The following FGF12 variants were observed in gnomAD, a reference collection of about 807,000 sequenced individuals.
The protein encoded by FGF12 is fibroblast growth factor 12B.
FGF12 carries 14 observed loss-of-function variants against 23.6 expected under a neutral mutation model. The ratio of observed to expected loss-of-function variants is 0.59; its 90% CI spans 0.39 to 0.93. The LOEUF is 0.93. FGF12 is among the 40% of genes least tolerant of loss of function. The pLI, the probability that FGF12 is intolerant of heterozygous loss-of-function variation, is 0.00. For synonymous variants in FGF12, 62 were observed against 77.3 expected, an observed-to-expected ratio of 0.80 and a Z score of 1.04; for missense variants, 175 against 217.8, an observed-to-expected ratio of 0.80 and a Z score of 1.24.
chr3:192,208,980 C>A (rs1021061552), intron 4 of FGF12, among the ~76,000 whole-genome samples: 6 of 152,166 alleles, frequency 3.9e-5, no homozygotes, highest in African/African-American at 1.4e-4. Context: ...AACTGTCTTT[C>A]AGTATTCATT....
chr3:192,146,397 A>G (rs1362559150), intron 5 of FGF12, among the ~76,000 whole-genome samples: 2 of 151,534 alleles, frequency 1.3e-5, no homozygotes, highest in South Asian at 2.1e-4. Flanking sequence ...CAGCCTCCCA[A>G]GTAGCTGGGA....
At chr3:192,166,075 A>C (rs1715145881) in intron 5 of FGF12, among the ~76,000 whole-genome samples, 1 of 152,230 alleles carries the variant, frequency 6.6e-6, no homozygotes, top group Admixed American at 6.5e-5. Flanking sequence ...AAATAATTTG[A>C]GTATCCCAGC....
At chr3:192,530,929 C>T (rs983689462) in intron 2 of FGF12, among the ~76,000 whole-genome samples, 17 of 152,178 alleles carry the variant, frequency 1.1e-4, no homozygotes, top group African/African-American at 4.1e-4. Context: ...ATTCTCCTGC[C>T]TCAGCCTCCC....
At chr3:192,611,330 A>C (rs1371972984) in intron 2 of FGF12, among the ~76,000 whole-genome samples, 1 of 152,202 alleles carries the variant, frequency 6.6e-6, no homozygotes, top group East Asian at 1.9e-4. Context: ...GCCTACATAC[A>C]CAGTGGTCAG....
intron 2 of FGF12, among the ~76,000 whole-genome samples, chr3:192,697,380 G>T (rs1364157638): frequency 6.6e-6 from 1 of 152,098 alleles, no homozygotes; most frequent in Non-Finnish European, 1.5e-5. Flanking sequence ...AGCAATCTGA[G>T]GCTCTTGCAT....
intron 4 of FGF12, among the ~76,000 whole-genome samples, chr3:192,206,574 T>G (rs1485766051): frequency 6.6e-6 from 1 of 152,208 alleles, no homozygotes; most frequent in Non-Finnish European, 1.5e-5. Context: ...TAGTCCAGTT[T>G]AACAGCACTC....
chr3:192,234,185 T>C lies in FGF12; in HGVS notation c.229-63529A>G, dbSNP rs187532946. ...TAGCAGTATTGATTCTTCCTGTCCA[T>C]GGGCATTGAATGTTTTTCTTTTTGT... On this transcript the variant is annotated intron_variant, in intron 4 of 5. Transcript: ENST00000445105. Among the ~76,000 whole-genome samples the C allele has an allele frequency of 2.9e-3, 443 of 152,322 alleles. 1 individual carries two copies. Among genetic ancestry groups the C allele is most frequent in the Middle Eastern group, 0.01 (3 of 294 alleles).
intron 4 of FGF12, among the ~76,000 whole-genome samples, chr3:192,239,211 A>G (rs1364960876): frequency 6.6e-6 from 1 of 152,214 alleles, no homozygotes; most frequent in Non-Finnish European, 1.5e-5. Flanking sequence ...TGGTTTGCAT[A>G]CAAATGGTAG....
intron 2 of FGF12, among the ~76,000 whole-genome samples, chr3:192,569,125 A>C (rs1712476497): frequency 6.6e-6 from 1 of 152,238 alleles, no homozygotes; most frequent in African/African-American, 2.4e-5. Flanking sequence ...GTAGAAAAAA[A>C]ATATTGTCTG....
chr3:192,264,172 T>A (rs115603619), intron 4 of FGF12, among the ~76,000 whole-genome samples: 4,155 of 152,178 alleles, frequency 0.027, 138 homozygotes, highest in African/African-American at 0.084. Context: ...TGTTTTCATA[T>A]ATCACCATAA....
intron 2 of FGF12, among the ~76,000 whole-genome samples, chr3:192,633,454 C>T (rs777193472): frequency 2.6e-5 from 4 of 152,032 alleles, no homozygotes; most frequent in Non-Finnish European, 5.9e-5. Context: ...AGGTTCTTGG[C>T]GGACATTAAT....
intron 4 of FGF12, among the ~76,000 whole-genome samples, chr3:192,219,763 C>T (rs1403281963): frequency 6.6e-6 from 1 of 152,166 alleles, no homozygotes; most frequent in East Asian, 1.9e-4. Context: ...CTGACTCACA[C>T]TCACATTTGA....
chr3:192,661,031 T>C (rs1192052787), intron 2 of FGF12, among the ~76,000 whole-genome samples: 2 of 152,032 alleles, frequency 1.3e-5, no homozygotes, highest in Admixed American at 6.5e-5. Context: ...TGGGAACGTC[T>C]GTTCTGGGTT....
chr3:192,626,483 A>G (rs13089114), intron 2 of FGF12, among the ~76,000 whole-genome samples: 4,603 of 152,310 alleles, frequency 0.03, 102 homozygotes, highest in Middle Eastern at 0.061. Flanking sequence ...AGACATTTGC[A>G]TGTCTTTTTC....
chr3:192,664,965 G>A (rs903158245), intron 2 of FGF12, among the ~76,000 whole-genome samples: 12 of 152,084 alleles, frequency 7.9e-5, no homozygotes, highest in African/African-American at 2.2e-4. Context: ...ACAGAAAAGC[G>A]CAAAGAAGAA....
At chr3:192,214,337 C>G (rs1437160179) in intron 4 of FGF12, among the ~76,000 whole-genome samples, 3 of 152,232 alleles carry the variant, frequency 2.0e-5, no homozygotes, top group Admixed American at 2.0e-4. Flanking sequence ...GAAATAATAA[C>G]AGTGAATCTC....
At chr3:192,190,771 G>A (rs936227287) in intron 4 of FGF12, among the ~76,000 whole-genome samples, 2 of 152,060 alleles carry the variant, frequency 1.3e-5, no homozygotes, top group African/African-American at 2.4e-5. Flanking sequence ...CACCGCGCCC[G>A]GCCCCAATAC....
intron 2 of FGF12, among the ~76,000 whole-genome samples, chr3:192,449,924 C>A (rs1722470477): frequency 6.6e-6 from 1 of 151,694 alleles, no homozygotes; most frequent in African/African-American, 2.4e-5. Flanking sequence ...ACTATTGCTG[C>A]ATCCTATAGA....
intron 4 of FGF12, among the ~76,000 whole-genome samples, chr3:192,267,655 G>A (rs1034207723): frequency 6.6e-6 from 1 of 151,936 alleles, no homozygotes; most frequent in Non-Finnish European, 1.5e-5. Flanking sequence ...AGTAAATGTG[G>A]CATTGTGGAC....
Sources: gnomAD v4.1 joint callset for allele counts (sites outside exome capture counted in the v4.1 genomes callset) on GRCh38, gnomAD v4.1.1 for gene constraint, MANE v1.5 for transcripts, NCBI Gene and HGNC (gene_info 2026-07-23, HGNC 2026-07-21) for gene names.